The following DCAF16 variants were observed in gnomAD, a reference collection of about 807,000 sequenced individuals.
The protein encoded by DCAF16 is DDB1 and CUL4 associated factor 16.
Under a neutral mutation model 17.3 loss-of-function variants are expected in DCAF16, and 10 were observed. The observed-to-expected ratio is 0.58, with a 90% CI of 0.36 to 0.98. The LOEUF (loss-of-function observed/expected upper bound fraction) is 0.98, where lower values mean the gene tolerates loss of function less well. DCAF16 is among the 50% of genes least tolerant of loss of function. The pLI, the probability that DCAF16 is intolerant of heterozygous loss-of-function variation, is 0.01. For synonymous variants in DCAF16, 111 were observed against 92.8 expected (o/e 1.20, Z -1.12); for missense variants, 249 against 247.6 (o/e 1.01, Z -0.04).
In DCAF16 at chr4:17,802,813, A is replaced by G. The variant is rs1044676515; in HGVS notation, c.*678T>C. 6.6e-6 allele frequency: 1 copy of G among 152,242 alleles called. No homozygotes were observed. Among genetic ancestry groups the G allele is most frequent in the Non-Finnish European group, 1.5e-5 (1 of 68,088 alleles). The allele number at this position is 152,242 out of a possible 1,614,324, so 9.4% of individuals were successfully genotyped here. A position where few individuals can be genotyped will look rare whatever the true frequency, so the allele number is the denominator to read the frequency against. ...TATGTTAGAGAAGAGTATGCTCAGA[A>G]AGGTATTATTGTGGGTAGCTAACTT... is the stretch of plus-strand genomic sequence containing the variant. On this transcript the variant is annotated 3_prime_UTR_variant, in exon 3 of 3. Coordinates refer to ENST00000382247, the MANE Select transcript of DCAF16 (RefSeq NM_017741.4).
rs1560209032 is a variant in DCAF16, at chr4:17,802,978, T to C, written c.*513A>G. 1 of 153,744 alleles carries C rather than the reference T, an allele frequency of 6.5e-6. No individual in the cohort carries two copies. The highest frequency in any genetic ancestry group is 1.4e-5 in the Non-Finnish European group (1 of 69,296). 9.5% of individuals were successfully genotyped at this position (153,744 alleles called of 1,614,324 possible). ...TGGGGTGGGGAGGGTGAGAAGTGAGTGTGAAGAATATTCAACTATCTTTTG... is the reference window on the plus strand; with the variant it reads ...TGGGGTGGGGAGGGTGAGAAGTGAGCGTGAAGAATATTCAACTATCTTTTG... On this transcript the variant is annotated 3_prime_UTR_variant, in exon 3 of 3. Transcript: ENST00000382247.
At chr4:17,806,667 A>C (rs1374716441) in intron 1 of DCAF16, among the ~76,000 whole-genome samples, 2 of 152,234 alleles carry the variant, frequency 1.3e-5, no homozygotes, top group African/African-American at 4.8e-5. Flanking sequence ...CAAATTTTTA[A>C]GGAACTCTAT....
At chr4:17,793,593 G>A in the DCAF16 span, among the ~76,000 whole-genome samples, 1 of 152,020 alleles carries the variant, frequency 6.6e-6, no homozygotes, top group African/African-American at 2.4e-5. Flanking sequence ...AAAGAAGCCA[G>A]GCATAAAACA....
rs1719860507 is a variant in DCAF16 at position 17,802,250 on chromosome 4, A to C, written c.*1241T>G. 6.6e-6 allele frequency: 1 copy of C among 152,648 alleles called. No individual in the cohort carries two copies. Among genetic ancestry groups the C allele is most frequent in the Non-Finnish European group, 1.5e-5 (1 of 68,034 alleles). The allele number at this position is 152,648 out of a possible 1,614,324, so 9.5% of individuals were successfully genotyped here. ...ATGCTGAAAGCAGAAATGCTCTCTT[A>C]ATCATTTTTCCATTCATCTTTTGAA... is the stretch of plus-strand genomic sequence containing the variant. On this transcript the variant is annotated 3_prime_UTR_variant, in exon 3 of 3. Transcript: ENST00000382247.
chr4:17,799,713 G>C (rs531683845), downstream of DCAF16, among the ~76,000 whole-genome samples: 1 of 152,208 alleles, frequency 6.6e-6, no homozygotes, highest in East Asian at 1.9e-4. Flanking sequence ...CCAGCAGGAA[G>C]GGCTTCTATC....
chr4:17,797,476 G>T (rs1464908024), downstream of DCAF16, among the ~76,000 whole-genome samples: 1 of 152,162 alleles, frequency 6.6e-6, no homozygotes, highest in Non-Finnish European at 1.5e-5. Flanking sequence ...ACTGGGGTCT[G>T]GTCCAAAGCT....
intron 1 of DCAF16, among the ~76,000 whole-genome samples, chr4:17,806,448 T>G (rs1244159959): frequency 6.6e-6 from 1 of 152,096 alleles, no homozygotes; most frequent in Non-Finnish European, 1.5e-5. Flanking sequence ...CCAGCAATAC[T>G]AACTAGACCA....
downstream of DCAF16, among the ~76,000 whole-genome samples, chr4:17,797,543 A>G (rs75483446): frequency 4.0e-3 from 607 of 152,344 alleles, 13 homozygotes; most frequent in East Asian, 0.063. Flanking sequence ...TCAATATCAT[A>G]TAACACACTT....
At position 17,800,767 on chromosome 4, in the gene DCAF16, G is replaced by C. The variant is rs184448470; in HGVS notation, c.*2724C>G. On this transcript the variant is annotated 3_prime_UTR_variant, in exon 3 of 3. Transcript: ENST00000382247. The stretch of plus-strand genomic sequence containing the variant: ...AGCAAGGCACTTTTATACACACACA[G>C]AGAGAAAAAGGAACGTATTATGAAC... 2 of 152,624 alleles carry C rather than the reference G, an allele frequency of 1.3e-5. No homozygotes were observed. The highest frequency in any genetic ancestry group is 1.9e-4 in the East Asian group (1 of 5,174). The allele number at this position is 152,624 out of a possible 1,614,324, so 9.5% of individuals were successfully genotyped here.
chr4:17,803,829 G>A lies in DCAF16; in HGVS notation c.313C>T (p.Pro105Ser). Residue 105 changes from proline to serine, a missense_variant, in exon 3 of 3, where the codon CCC (proline) becomes TCC (serine). Transcript: ENST00000382247. ...LRLSHCSHCV[P>S]KLEPIPEWPP... ...CATTCAGGAATTGGTTCCAGTTTGG[G>A]GACACAATGGGAACAATGGGAGAGT... 1.2e-6 allele frequency: 2 copies of A among 1,614,130 alleles called. No individual in the cohort carries two copies. The highest frequency in any genetic ancestry group is 3.3e-4 in the Middle Eastern group (2 of 6,062).
chr4:17,807,683 G>T (rs1191191739), intron 1 of DCAF16, among the ~76,000 whole-genome samples: 2 of 152,202 alleles, frequency 1.3e-5, no homozygotes, highest in African/African-American at 4.8e-5. Context: ...CGCTGGAGAA[G>T]CGGACTGGTA....
Position 17,803,664 on chromosome 4 carries a change from T to G in DCAF16, c.478A>C (p.Thr160Pro), listed in dbSNP as rs762140369. 1.2e-5 allele frequency: 19 copies of G among 1,614,024 alleles called. No individual in the cohort carries two copies. Among genetic ancestry groups the G allele is most frequent in the Non-Finnish European group, 1.5e-5 (18 of 1,180,030 alleles). ...TGTTTTAGGTATTCAGGTATGGGAG[T>G]GGCTCTACTCAATGTTCGGCTTAGC... is the stretch of plus-strand genomic sequence containing the variant. ...KQLSRTLSRA[T>P]PIPEYLKQIP... is the part of the protein sequence containing the mutation. Residue 160 changes from threonine to proline, a missense_variant, in exon 3 of 3, where the codon ACT (threonine) becomes CCT (proline). Thr to Pro is a conservative substitution (Grantham distance 38). Transcript: ENST00000382247.
At chr4:17,795,561 G>C in the DCAF16 span, among the ~76,000 whole-genome samples, 1 of 151,746 alleles carries the variant, frequency 6.6e-6, no homozygotes, top group Non-Finnish European at 1.5e-5. Context: ...TCATCTCTTT[G>C]TTCTACTTTT....
chr4:17,797,072 C>T (rs2109009171), downstream of DCAF16, among the ~76,000 whole-genome samples: 1 of 152,200 alleles, frequency 6.6e-6, no homozygotes, highest in African/African-American at 2.4e-5. Flanking sequence ...AAGCAATCCT[C>T]CCAATTTAGC....
chr4:17,794,983 T>A, the DCAF16 span, among the ~76,000 whole-genome samples: 1 of 152,212 alleles, frequency 6.6e-6, no homozygotes, highest in African/African-American at 2.4e-5. Flanking sequence ...TGACATCTTT[T>A]AGTTTCAGGA....
Position 17,805,161 on chromosome 4 carries a change from T to C in DCAF16, c.-685A>G, listed in dbSNP as rs1403823328. On this transcript the variant is annotated 5_prime_UTR_variant, in exon 2 of 3. Coordinates refer to ENST00000382247, the MANE Select transcript of DCAF16 (RefSeq NM_017741.4). ...AGGGGGCCTGTCCTGGTGGTAGAGC[T>C]GCTAGATGTTAGGACTCTTGCTGGG... 1 of 151,266 alleles carries C rather than the reference T, an allele frequency of 6.6e-6. No homozygotes were observed. The highest frequency in any genetic ancestry group is 1.5e-5 in the Non-Finnish European group (1 of 67,916). The allele number at this position is 151,266 out of a possible 1,614,324, so 9.4% of individuals were successfully genotyped here.
At chr4:17,799,729 G>GA (rs1719606897), downstream of DCAF16, among the ~76,000 whole-genome samples, 6 of 152,172 alleles carry the variant, frequency 3.9e-5, no homozygotes, top group Admixed American at 2.6e-4. Flanking sequence ...CTATCCCCTA[G>GA]AGGGGACCTA....
At chr4:17,808,984 G>A (rs1720586857) in intron 1 of DCAF16, among the ~76,000 whole-genome samples, 1 of 152,102 alleles carries the variant, frequency 6.6e-6, no homozygotes, top group South Asian at 2.1e-4. Flanking sequence ...AGCCGAGATC[G>A]CGCCATTGCA....
intron 1 of DCAF16, among the ~76,000 whole-genome samples, chr4:17,807,786 G>C (rs1016211003): frequency 1.3e-5 from 2 of 152,180 alleles, no homozygotes; most frequent in African/African-American, 2.4e-5. Flanking sequence ...TCAATGTCTC[G>C]TTTATGCTAC....
Sources: allele counts gnomAD v4.1 joint callset (sites outside exome capture counted in the v4.1 genomes callset), GRCh38; gene constraint gnomAD v4.1.1; transcripts MANE v1.5; gene names NCBI Gene and HGNC (gene_info 2026-07-23, HGNC 2026-07-21).